The following STAU1 variants were observed in gnomAD, a reference collection of about 807,000 sequenced individuals.
The protein encoded by STAU1 is staufen double-stranded RNA binding protein 1, also known as double-stranded RNA-binding protein Staufen homolog 1.
A neutral mutation model predicts 62.9 loss-of-function variants in STAU1; 13 were observed. That is an observed-to-expected ratio of 0.21 (90% confidence interval 0.13 to 0.33). STAU1 has a LOEUF of 0.33. Ranked by LOEUF, STAU1 falls within the 10% of genes least tolerant of loss-of-function variation. The pLI, the probability that STAU1 is intolerant of heterozygous loss-of-function variation, is 1.00. For synonymous variants in STAU1, 269 were observed against 265.1 expected, an observed-to-expected ratio of 1.01 and a Z score of -0.14; for missense variants, 571 against 712.1, an observed-to-expected ratio of 0.80 and a Z score of 2.25.
upstream of STAU1, among the ~76,000 whole-genome samples, chr20:49,190,438 C>A (rs1295458697): frequency 6.6e-6 from 1 of 152,192 alleles, no homozygotes; most frequent in Non-Finnish European, 1.5e-5. Context: ...CATGTGCCAC[C>A]ACTCCCAGCT....
intron 6 of STAU1, 49 bp downstream of exon 6, chr20:49,135,784 T>C (rs1315126512): frequency 6.3e-6 from 9 of 1,418,104 alleles, no homozygotes; most frequent in Admixed American, 1.8e-5. Context: ...TTATGATGAA[T>C]GCTAACAGGA....
the STAU1 span, among the ~76,000 whole-genome samples, chr20:49,201,033 A>C: frequency 2.5e-5 from 3 of 121,974 alleles, no homozygotes; most frequent in African/African-American, 8.7e-5. Flanking sequence ...GCACAGAGTA[A>C]GACCCACTCT....
chr20:49,166,300 G>A lies in STAU1; in HGVS notation c.-84-15C>T. ...TAAAGTTCTACCTAAAAGTTGTAAG[G>A]GAAAGAAAATAAAAAGGTAAATTAT... On this transcript the variant is annotated splice_polypyrimidine_tract_variant and intron_variant, in intron 2 of 13. Coordinates refer to ENST00000371856, the MANE Select transcript of STAU1 (RefSeq NM_017453.4). The A allele has an allele frequency of 9.3e-7, 1 of 1,073,082 alleles. No individual in the cohort carries two copies. The highest frequency in any genetic ancestry group is 1.4e-6 in the Non-Finnish European group (1 of 739,802). 66.5% of individuals were successfully genotyped at this position (1,073,082 alleles called of 1,614,324 possible).
At chr20:49,136,723 A>G (rs2146047934) in intron 5 of STAU1, among the ~76,000 whole-genome samples, 1 of 151,684 alleles carries the variant, frequency 6.6e-6, no homozygotes, top group South Asian at 2.1e-4. Flanking sequence ...TTTGAGATGG[A>G]GTCTCGCTCT....
At chr20:49,165,226 G>A (rs1171593594) in intron 3 of STAU1, among the ~76,000 whole-genome samples, 1 of 152,084 alleles carries the variant, frequency 6.6e-6, no homozygotes, top group Non-Finnish European at 1.5e-5. Context: ...TGTATTTTTA[G>A]TAGAGACGGA....
chr20:49,166,310 TAAA>T (rs1359635727), intron 2 of STAU1, 25 bp from the exon 3 acceptor site: 2 of 942,808 alleles, frequency 2.1e-6, no homozygotes, highest in Non-Finnish European at 1.6e-6. Flanking sequence ...GGAAAGAAAA[TAAA>T]AAGGTAAATT....
chr20:49,126,979 G>A (rs2092641853), intron 6 of STAU1, among the ~76,000 whole-genome samples: 1 of 152,118 alleles, frequency 6.6e-6, no homozygotes, highest in African/African-American at 2.4e-5. Flanking sequence ...TTTATAACAG[G>A]AGAAAGCCTC....
upstream of STAU1, among the ~76,000 whole-genome samples, chr20:49,189,073 C>T (rs2093823510): frequency 6.6e-6 from 1 of 151,400 alleles, no homozygotes; most frequent in Admixed American, 6.6e-5. Flanking sequence ...TGGTGGCGGG[C>T]GCCTGTAGGT....
the STAU1 span, among the ~76,000 whole-genome samples, chr20:49,209,450 A>G: frequency 6.6e-6 from 1 of 151,370 alleles, no homozygotes; most frequent in African/African-American, 2.4e-5. Context: ...AAAAAAAAAA[A>G]AAAAAAAAGG....
At chr20:49,126,216 T>C (rs917560966) in intron 6 of STAU1, among the ~76,000 whole-genome samples, 28 of 151,826 alleles carry the variant, frequency 1.8e-4, no homozygotes, top group Non-Finnish European at 1.6e-4. Flanking sequence ...AATCAAACTT[T>C]AAAACTTTTG....
chr20:49,218,569 A>C, the STAU1 span, among the ~76,000 whole-genome samples: 59 of 151,986 alleles, frequency 3.9e-4, no homozygotes, highest in East Asian at 5.2e-3. Flanking sequence ...AACAAACAAA[A>C]AAAACATGAT....
At position 49,153,962 on chromosome 20, in the gene STAU1, G is replaced by A. The variant is rs2093312792; in HGVS notation, c.315C>T (p.Tyr105=). Residue 105 remains tyrosine (Y), a synonymous_variant, in exon 4 of 14, where the codon TAC becomes TAT. Coordinates refer to ENST00000371856, the MANE Select transcript of STAU1 (RefSeq NM_017453.4). ...PYSRMQSTYN[Y]NMRGGAYPPR... is the part of the protein sequence containing the mutation. ...GGGGATAAGCACCTCCTCTCATGTT[G>A]TAGTTATAGGTGGACTGCATCCGAG... 3.1e-6 allele frequency: 5 copies of A among 1,603,984 alleles called. No individual in the cohort carries two copies. The highest frequency in any genetic ancestry group is 3.3e-4 in the Middle Eastern group (2 of 6,044).
intron 3 of STAU1, chr20:49,159,188 C>CT (rs2093413224): frequency 9.4e-7 from 1 of 1,066,112 alleles, no homozygotes; most frequent in African/African-American, 1.7e-5. Flanking sequence ...CGTGAACCGT[C>CT]TTGCCTTTCT....
At chr20:49,132,224 T>C (rs2092766241) in intron 6 of STAU1, among the ~76,000 whole-genome samples, 1 of 152,094 alleles carries the variant, frequency 6.6e-6, no homozygotes, top group African/African-American at 2.4e-5. Flanking sequence ...CAACAGTGCT[T>C]TCCCTGTCCT....
At chr20:49,130,063 C>T (rs1209410860) in intron 6 of STAU1, among the ~76,000 whole-genome samples, 1 of 150,884 alleles carries the variant, frequency 6.6e-6, no homozygotes, top group Non-Finnish European at 1.5e-5. Flanking sequence ...ACCAAAAACT[C>T]ACAACAATAC....
At chr20:49,145,639 A>G (rs1206354017) in intron 5 of STAU1, among the ~76,000 whole-genome samples, 1 of 151,658 alleles carries the variant, frequency 6.6e-6, no homozygotes, top group Admixed American at 6.6e-5. Flanking sequence ...CTATGGCAGG[A>G]GAATAGCTTG....
chr20:49,155,160 T>G (rs2093338745), intron 3 of STAU1, among the ~76,000 whole-genome samples: 1 of 151,694 alleles, frequency 6.6e-6, no homozygotes, highest in African/African-American at 2.4e-5. Flanking sequence ...AGAGTTACAA[T>G]ACAACATGAT....
At chr20:49,137,548 T>C (rs1002120406) in intron 5 of STAU1, among the ~76,000 whole-genome samples, 1 of 152,224 alleles carries the variant, frequency 6.6e-6, no homozygotes, top group Non-Finnish European at 1.5e-5. Flanking sequence ...CTTCTGAGAT[T>C]AGAACTATCT....
chr20:49,218,730 T>C, the STAU1 span, among the ~76,000 whole-genome samples: 2 of 151,878 alleles, frequency 1.3e-5, no homozygotes, highest in Non-Finnish European at 2.9e-5. Flanking sequence ...TCCCCTACAA[T>C]AAACATTAAT....
Sources: allele counts gnomAD v4.1 joint callset (sites outside exome capture counted in the v4.1 genomes callset), GRCh38; gene constraint gnomAD v4.1.1; transcripts MANE v1.5; gene names NCBI Gene and HGNC (gene_info 2026-07-23, HGNC 2026-07-21).